The following GKN2 variants were observed in gnomAD, a reference collection of about 807,000 sequenced individuals.
GKN2 encodes gastrokine 2, also known as gastrokine-2.
GKN2 carries 17 observed loss-of-function variants against 22.7 expected under a neutral mutation model. The ratio of observed to expected loss-of-function variants is 0.75; its 90% CI spans 0.51 to 1.13. The LOEUF (loss-of-function observed/expected upper bound fraction) is 1.13, where lower values mean the gene tolerates loss of function less well. Ranked by LOEUF, GKN2 falls within the 50% of genes most tolerant of loss-of-function variation. The probability of loss-of-function intolerance (pLI) is 0.00; values close to 1 mark genes in which losing one functional copy is unlikely to be tolerated. For missense variants in GKN2, 248 were observed against 221.4 expected (o/e 1.12, Z -0.76); for synonymous variants, 82 against 79.6 (o/e 1.03, Z -0.16).
chr2:68,945,326 G>T lies in GKN2; in HGVS notation c.*42C>A, dbSNP rs1307247796. 2.2e-6 allele frequency: 3 copies of T among 1,373,824 alleles called. No individual in the cohort carries two copies. The highest frequency in any genetic ancestry group is 3.0e-6 in the Non-Finnish European group (3 of 988,998). 85.1% of individuals were successfully genotyped at this position (1,373,824 alleles called of 1,614,324 possible). A position where few individuals can be genotyped will look rare whatever the true frequency, so the allele number is the denominator to read the frequency against. On this transcript the variant is annotated 3_prime_UTR_variant, in exon 6 of 6. Coordinates refer to ENST00000328895, the MANE Select transcript of GKN2 (RefSeq NM_182536.3). ...ATTTGACTTTTGAGTGTAAACCAAG[G>T]ATGTATTTCTTTGAAAAGATAAAAC...
At position 68,945,244 on chromosome 2, in the gene GKN2, G is replaced by T; in HGVS notation, c.*124C>A. ...AAACACCAAAAAATCTATAAATACA[G>T]CATTTATATTTTCTGACTGAATCTC... On this transcript the variant is annotated 3_prime_UTR_variant, in exon 6 of 6. Transcript: ENST00000328895. The T allele has an allele frequency of 1.4e-6, 1 of 698,438 alleles. No individual in the cohort carries two copies. Among genetic ancestry groups the T allele is most frequent in the African/African-American group, 1.8e-5 (1 of 57,004 alleles). The allele number at this position is 698,438 out of a possible 1,614,324, so 43.3% of individuals were successfully genotyped here.
intron 2 of GKN2, 76 bp downstream of exon 2, chr2:68,950,626 T>C (rs1266309603): frequency 4.6e-6 from 6 of 1,306,858 alleles, no homozygotes; most frequent in Non-Finnish European, 6.7e-6. Flanking sequence ...CTCTCTACTG[T>C]CTTCAGGCTC....
intron 3 of GKN2, among the ~76,000 whole-genome samples, chr2:68,948,360 A>G (rs1442925559): frequency 6.6e-6 from 1 of 152,148 alleles, no homozygotes; most frequent in Admixed American, 6.5e-5. Context: ...TTCTGTTACA[A>G]ATTTTGAGTA....
At chr2:68,950,483 A>C (rs552169433) in intron 2 of GKN2, among the ~76,000 whole-genome samples, 22 of 152,232 alleles carry the variant, frequency 1.4e-4, no homozygotes, top group Non-Finnish European at 2.4e-4. Flanking sequence ...ATATCACAAG[A>C]GAAATGAGAC....
At chr2:68,946,193 AACTGAGT>A in intron 5 of GKN2, 104 bp downstream of exon 5, 1 of 894,374 alleles carries the variant, frequency 1.1e-6, no homozygotes, top group Non-Finnish European at 1.7e-6. Flanking sequence ...AAGCAAACTG[AACTGAGT>A]ACTGTTCCCA....
intron 5 of GKN2, chr2:68,945,927 G>A: frequency 3.6e-6 from 1 of 281,144 alleles, no homozygotes; most frequent in African/African-American, 2.2e-5. Context: ...GCATTTCTTA[G>A]TGACTTCCTT....
chr2:68,952,179 G>A (rs980249834), intron 1 of GKN2, among the ~76,000 whole-genome samples: 4 of 152,300 alleles, frequency 2.6e-5, no homozygotes, highest in African/African-American at 7.2e-5. Context: ...TAGAAGGAAC[G>A]TTTTGTCCTA....
rs1196690921 is a variant in GKN2, at chr2:68,945,310, T to C, written c.*58A>G. The C allele has an allele frequency of 2.4e-6, 3 of 1,258,736 alleles. No homozygotes were observed. The highest frequency in any genetic ancestry group is 2.2e-6 in the Non-Finnish European group (2 of 891,088). 78.0% of individuals were successfully genotyped at this position (1,258,736 alleles called of 1,614,324 possible). ...ATTGGGAAAGAATTTAATTTGACTT[T>C]TGAGTGTAAACCAAGGATGTATTTC... On this transcript the variant is annotated 3_prime_UTR_variant, in exon 6 of 6. Transcript: ENST00000328895.
In GKN2 at chr2:68,946,461, C is replaced by T. The variant is rs1669767752; in HGVS notation, c.316-1G>A. The stretch of plus-strand genomic sequence containing the variant: ...TGCTGGAGAACATGTTGTCCAGAGC[C>T]TAGATCGGTATAACAGAAAAGAACA... On this transcript the variant is annotated splice_acceptor_variant, in intron 4 of 5. Coordinates refer to ENST00000328895, the MANE Select transcript of GKN2 (RefSeq NM_182536.3). LOFTEE classifies it high-confidence loss of function. 1.9e-6 allele frequency: 3 copies of T among 1,594,124 alleles called. No homozygotes were observed. Among genetic ancestry groups the T allele is most frequent in the Admixed American group, 1.8e-5 (1 of 54,740 alleles).
At position 68,945,466 on chromosome 2, in the gene GKN2, T is replaced by G; in HGVS notation, c.473-16A>C. On this transcript the variant is annotated splice_polypyrimidine_tract_variant and intron_variant, in intron 5 of 5. Transcript: ENST00000328895. ...CCGACATTATCTGGAAAAGGGAAAA[T>G]TTTTCAGAGAAAGAGCATTAAAAAA... 2 of 1,575,902 alleles carry G rather than the reference T, an allele frequency of 1.3e-6. No homozygotes were observed. The highest frequency in any genetic ancestry group is 1.7e-6 in the Non-Finnish European group (2 of 1,150,450).
chr2:68,950,835 G>A (rs1669844420), intron 1 of GKN2, 80 bp from the exon 2 acceptor site: 2 of 1,419,674 alleles, frequency 1.4e-6, no homozygotes, highest in Middle Eastern at 1.8e-4. Flanking sequence ...GGACAGGAAA[G>A]GCACAGATAT....
intron 1 of GKN2, 105 bp downstream of exon 1, chr2:68,952,745 G>A (rs534447594): frequency 1.9e-6 from 2 of 1,067,890 alleles, no homozygotes; most frequent in South Asian, 1.6e-5. Flanking sequence ...TTAGAAGCAT[G>A]CACAGTATCT....
chr2:68,951,334 T>C (rs2103894810), intron 1 of GKN2, among the ~76,000 whole-genome samples: 2 of 152,292 alleles, frequency 1.3e-5, no homozygotes, highest in South Asian at 4.1e-4. Context: ...CCCCATATTC[T>C]CCTATGCCTT....
rs150921395 is a variant in GKN2 at position 68,946,455 on chromosome 2, C to T, written c.321G>A (p.Leu107=). 5.6e-6 allele frequency: 9 copies of T among 1,606,828 alleles called. No homozygotes were observed. The African/African-American group carries it at 8.0e-5, about 14-fold the overall frequency. The change falls in exon 5 of 6, where the codon CTG becomes CTA. Residue 107 remains leucine (L), a synonymous_variant. Transcript: ENST00000328895. ...LQWYIYEKQA[L]DNMFSSKYTW... Reference sequence around the variant, plus strand: ...TGTATTTGCTGGAGAACATGTTGTCCAGAGCCTAGATCGGTATAACAGAAA... The same window carrying T: ...TGTATTTGCTGGAGAACATGTTGTCTAGAGCCTAGATCGGTATAACAGAAA...
chr2:68,945,431 G>A lies in GKN2; in HGVS notation c.492C>T (p.Gly164=), dbSNP rs1202800420. The A allele has an allele frequency of 6.2e-7, 1 of 1,611,022 alleles. No homozygotes were observed. The highest frequency in any genetic ancestry group is 8.5e-7 in the Non-Finnish European group (1 of 1,178,072). ...TGCCCAGGAGCCCAGCCTTTGCACA[G>A]CCTCCAGCACCGACATTATCTGGAA... The part of the protein sequence containing the change: ...VENTHNVGAG[G]CAKAGLLGIL... Residue 164 remains glycine (G), a synonymous_variant, in exon 6 of 6, where the codon GGC becomes GGT. Coordinates refer to ENST00000328895, the MANE Select transcript of GKN2 (RefSeq NM_182536.3).
chr2:68,947,145 A>G lies in GKN2; in HGVS notation c.315+2T>C. The G allele has an allele frequency of 6.4e-7, 1 of 1,574,450 alleles. No individual in the cohort carries two copies. Among genetic ancestry groups the G allele is most frequent in the Non-Finnish European group, 8.7e-7 (1 of 1,143,728 alleles). Reference sequence around the variant, plus strand: ...GAATACTCAAGAGTGCCCCAGAATTACCTGTTTCTCATAGATGTACCATTG... The same window carrying G: ...GAATACTCAAGAGTGCCCCAGAATTGCCTGTTTCTCATAGATGTACCATTG... On this transcript the variant is annotated splice_donor_variant, in intron 4 of 5. Transcript: ENST00000328895. LOFTEE classifies it high-confidence loss of function.
chr2:68,947,071 C>T (rs1266653279), intron 4 of GKN2, 76 bp downstream of exon 4: 6 of 871,408 alleles, frequency 6.9e-6, no homozygotes, highest in Non-Finnish European at 1.2e-5. Flanking sequence ...TTCTCCCTCA[C>T]ACTCTTCATT....
Position 68,946,298 on chromosome 2 carries a change from A to G in GKN2, c.472+6T>C, listed in dbSNP as rs1669763243. ...TTTGGTGAGTGAATGACTTATTGGT[A>G]CTCACGTGTGTTTTCAACCACTTCC... On this transcript the variant is annotated splice_donor_region_variant and intron_variant, in intron 5 of 5. Coordinates refer to ENST00000328895, the MANE Select transcript of GKN2 (RefSeq NM_182536.3). 1.2e-6 allele frequency: 2 copies of G among 1,603,010 alleles called. No homozygotes were observed. The highest frequency in any genetic ancestry group is 4.5e-5 in the East Asian group (2 of 44,794).
At chr2:68,947,333 C>G (rs987540930) in intron 3 of GKN2, 76 bp from the exon 4 acceptor site, 2 of 919,342 alleles carry the variant, frequency 2.2e-6, no homozygotes, top group African/African-American at 3.2e-5. Flanking sequence ...ATGCCTGAAC[C>G]TCGGAAGAAA....
Sources: allele counts gnomAD v4.1 joint callset (sites outside exome capture counted in the v4.1 genomes callset), GRCh38; gene constraint gnomAD v4.1.1; transcripts MANE v1.5; gene names NCBI Gene and HGNC (gene_info 2026-07-23, HGNC 2026-07-21).